GSG1L: variants seen among roughly 807,000 people sequenced by gnomAD.
GSG1L encodes the protein germ cell-specific gene 1-like protein.
In GSG1L, 24 loss-of-function variants were observed where a neutral mutation model predicts 42.1. The ratio of observed to expected loss-of-function variants is 0.57; its 90% CI spans 0.41 to 0.80. The LOEUF (loss-of-function observed/expected upper bound fraction) is 0.80, where lower values mean the gene tolerates loss of function less well. GSG1L is among the 30% of genes least tolerant of loss of function. GSG1L has a pLI of 0.00. For missense variants in GSG1L, 445 were observed against 472.2 expected (o/e 0.94, Z 0.53); for synonymous variants, 215 against 203.5 (o/e 1.06, Z -0.48).
intron 1 of GSG1L, among the ~76,000 whole-genome samples, chr16:28,060,384 C>T (rs1315348465): frequency 6.6e-6 from 1 of 152,038 alleles, no homozygotes; most frequent in Admixed American, 6.6e-5. Context: ...CAGCTGGCTC[C>T]GATTCCCAAA....
intron 1 of GSG1L, among the ~76,000 whole-genome samples, chr16:28,062,796 G>A (rs2086357774): frequency 1.3e-5 from 2 of 152,182 alleles, no homozygotes; most frequent in Admixed American, 1.3e-4. Flanking sequence ...CCTTCCCGGG[G>A]CGCGGGAGCG....
rs2084162010 is a variant in GSG1L at position 27,894,074 on chromosome 16, T to C, written c.398-9436A>G. Among the ~76,000 whole-genome samples the C allele has an allele frequency of 2.0e-5, 3 of 152,174 alleles. 1 individual carries two copies. Among genetic ancestry groups the C allele is most frequent in the Non-Finnish European group, 4.4e-5 (3 of 68,032 alleles). Reference sequence around the variant, plus strand: ...GGCCAGCAATTGTAATAAGAGGTGGTAAGGCACTGAGAAAGATTGAGGACC... The same window carrying C: ...GGCCAGCAATTGTAATAAGAGGTGGCAAGGCACTGAGAAAGATTGAGGACC... On this transcript the variant is annotated intron_variant, in intron 2 of 6. Transcript: ENST00000447459.
At chr16:27,905,839 T>A (rs975640163) in intron 2 of GSG1L, among the ~76,000 whole-genome samples, 4 of 152,086 alleles carry the variant, frequency 2.6e-5, no homozygotes, top group African/African-American at 7.2e-5. Context: ...TCTTTTCTCT[T>A]GCCACTACCC....
chr16:27,840,949 C>A (rs1464354907), intron 4 of GSG1L, among the ~76,000 whole-genome samples: 2 of 152,210 alleles, frequency 1.3e-5, no homozygotes, highest in African/African-American at 4.8e-5. Flanking sequence ...CCAACTGAAG[C>A]TTCGAGGAAG....
At chr16:27,797,508 AG>A (rs2082830927) in intron 6 of GSG1L, among the ~76,000 whole-genome samples, 1 of 123,008 alleles carries the variant, frequency 8.1e-6, no homozygotes, top group Admixed American at 8.8e-5. Flanking sequence ...GAGCAGCAAG[AG>A]CAAAACTCCA....
chr16:28,011,429 G>C (rs529930108), intron 1 of GSG1L, among the ~76,000 whole-genome samples: 1 of 152,210 alleles, frequency 6.6e-6, no homozygotes. Flanking sequence ...CTGCCTCGGC[G>C]GTCAGGGACA....
intron 6 of GSG1L, among the ~76,000 whole-genome samples, chr16:27,802,897 C>T (rs1053790594): frequency 1.3e-5 from 2 of 152,072 alleles, no homozygotes; most frequent in South Asian, 4.2e-4. Flanking sequence ...TCAAATGATC[C>T]TCCTGCCTTG....
At chr16:27,970,607 G>T (rs1486428340) in intron 1 of GSG1L, among the ~76,000 whole-genome samples, 4 of 151,282 alleles carry the variant, frequency 2.6e-5, no homozygotes, top group African/African-American at 9.7e-5. Context: ...TCACTATGTT[G>T]CCCAGGCTAG....
chr16:27,828,628 C>T (rs1315109903), intron 5 of GSG1L, among the ~76,000 whole-genome samples, 161 bp downstream of exon 5: 1 of 152,236 alleles, frequency 6.6e-6, no homozygotes, highest in African/African-American at 2.4e-5. Flanking sequence ...GAAATTCTGA[C>T]ATAGTGGCGT....
intron 2 of GSG1L, among the ~76,000 whole-genome samples, chr16:27,946,619 G>GAA (rs2084869807): frequency 9.0e-5 from 2 of 22,264 alleles, no homozygotes; most frequent in African/African-American, 2.9e-4. Context: ...GAGAGAGAGA[G>GAA]AGAGAGAGAG....
intron 5 of GSG1L, among the ~76,000 whole-genome samples, chr16:27,812,079 ACAGT>A (rs2083037612): frequency 6.6e-6 from 1 of 152,128 alleles, no homozygotes; most frequent in African/African-American, 2.4e-5. Flanking sequence ...GTCTAAGGAG[ACAGT>A]CAGTCCAGCC....
At chr16:28,009,097 C>T (rs896028645) in intron 1 of GSG1L, among the ~76,000 whole-genome samples, 7 of 152,180 alleles carry the variant, frequency 4.6e-5, no homozygotes, top group Non-Finnish European at 7.4e-5. Flanking sequence ...GAGTAAGCCA[C>T]GGTGCTTGGC....
intron 1 of GSG1L, among the ~76,000 whole-genome samples, chr16:28,056,221 A>G (rs184705558): frequency 6.6e-6 from 1 of 152,292 alleles, no homozygotes; most frequent in East Asian, 1.9e-4. Flanking sequence ...GAACCAACTC[A>G]AATGTCCAAC....
chr16:27,908,893 C>G (rs1455842036), intron 2 of GSG1L, among the ~76,000 whole-genome samples: 1 of 152,160 alleles, frequency 6.6e-6, no homozygotes, highest in Non-Finnish European at 1.5e-5. Context: ...CTGAGGGCTT[C>G]AGTAACCTCC....
chr16:27,791,271 C>A lies in GSG1L; in HGVS notation c.*99G>T. ...CCACGCAGGCTGACTGAGTTCACGGCACACAGGCCAGGGTTCTGGGGGCAC... is the reference window on the plus strand; with the variant it reads ...CCACGCAGGCTGACTGAGTTCACGGAACACAGGCCAGGGTTCTGGGGGCAC... On this transcript the variant is annotated 3_prime_UTR_variant, in exon 7 of 7. Coordinates refer to ENST00000447459, the MANE Select transcript of GSG1L (RefSeq NM_001109763.2). 1 of 745,590 alleles carries A rather than the reference C, an allele frequency of 1.3e-6. No individual in the cohort carries two copies. Among genetic ancestry groups the A allele is most frequent in the South Asian group, 4.0e-5 (1 of 25,090 alleles). 46.2% of individuals were successfully genotyped at this position (745,590 alleles called of 1,614,324 possible). A position where few individuals can be genotyped will look rare whatever the true frequency, so the allele number is the denominator to read the frequency against.
intron 1 of GSG1L, among the ~76,000 whole-genome samples, chr16:28,020,213 C>T (rs1181127177): frequency 6.6e-6 from 1 of 152,186 alleles, no homozygotes; most frequent in Non-Finnish European, 1.5e-5. Flanking sequence ...CCCAGTGAAG[C>T]AGACATGCAA....
chr16:27,988,306 G>C (rs56280275), intron 1 of GSG1L, among the ~76,000 whole-genome samples: 105,092 of 146,850 alleles, frequency 0.72, 37,792 homozygotes, highest in South Asian at 0.89. Context: ...TAAACTACTA[G>C]ATATAAGAGA....
At chr16:27,803,240 C>T (rs934326804) in intron 6 of GSG1L, among the ~76,000 whole-genome samples, 33 of 152,068 alleles carry the variant, frequency 2.2e-4, no homozygotes, top group African/African-American at 7.5e-4. Flanking sequence ...CCCAACTGTG[C>T]AAGGGGGCTT....
chr16:27,997,496 C>T (rs2085529994), intron 1 of GSG1L, among the ~76,000 whole-genome samples: 1 of 151,320 alleles, frequency 6.6e-6, no homozygotes. Flanking sequence ...CTTTTAAGGA[C>T]TCATGGAATG....
Sources: allele counts gnomAD v4.1 joint callset (sites outside exome capture counted in the v4.1 genomes callset), GRCh38; gene constraint gnomAD v4.1.1; transcripts MANE v1.5; gene names NCBI Gene and HGNC (gene_info 2026-07-23, HGNC 2026-07-21).